The following BLTP1 variants were observed in gnomAD, a reference collection of about 807,000 sequenced individuals.
The protein encoded by BLTP1 is bridge-like lipid transfer protein family member 1.
the BLTP1 span, among the ~76,000 whole-genome samples, chr4:122,332,629 C>CTTTTTT: frequency 1.4e-5 from 2 of 142,546 alleles, no homozygotes; most frequent in African/African-American, 2.6e-5. Flanking sequence ...TAAAAGTTTG[C>CTTTTTT]TTTTTTTTTT....
At chr4:122,209,206 TA>T in the BLTP1 span, 1 of 1,613,418 alleles carries the variant, frequency 6.2e-7, no homozygotes, top group South Asian at 1.1e-5. Flanking sequence ...GCCACCCTAG[TA>T]AATATTCTTT....
chr4:122,181,037 C>T, the BLTP1 span, among the ~76,000 whole-genome samples: 2 of 152,174 alleles, frequency 1.3e-5, no homozygotes, highest in Admixed American at 6.5e-5. Context: ...TTCATTTAAA[C>T]ATTATGATAT....
At chr4:122,199,401 C>T in the BLTP1 span, 2 of 1,613,442 alleles carry the variant, frequency 1.2e-6, no homozygotes, top group Non-Finnish European at 1.7e-6. Flanking sequence ...CATGTGGATG[C>T]CACTACCAGC....
At chr4:122,346,431 A>T in the BLTP1 span, 19,961 of 982,792 alleles carry the variant, frequency 0.02, 224 homozygotes, top group Non-Finnish European at 0.023. Flanking sequence ...ACTTGCCATC[A>T]CCTCAAAAAA....
chr4:122,255,169 C>CA, the BLTP1 span: 1 of 1,605,186 alleles, frequency 6.2e-7, no homozygotes, highest in East Asian at 2.2e-5. Context: ...GTAAATACAA[C>CA]AGGCTTACAA....
At chr4:122,167,536 A>G in the BLTP1 span, 148 of 295,606 alleles carry the variant, frequency 5.0e-4, 1 homozygote, top group Middle Eastern at 1.7e-3. Flanking sequence ...TGAAACCTTA[A>G]TCTGGTTGCT....
chr4:122,353,145 C>T, the BLTP1 span: 2 of 1,613,216 alleles, frequency 1.2e-6, no homozygotes, highest in Non-Finnish European at 8.5e-7. The surrounding 1 kb of genome is among the most constrained non-coding windows in gnomAD (Gnocchi z 4.3). Context: ...CTCAGAAAAT[C>T]TGGGAAGATG....
chr4:122,289,195 A>G, the BLTP1 span: 1 of 1,592,050 alleles, frequency 6.3e-7, no homozygotes, highest in Non-Finnish European at 8.6e-7. Context: ...AGTTTCTGGT[A>G]AGATGATCTA....
chr4:122,297,848 G>C, the BLTP1 span: 1 of 152,212 alleles, frequency 6.6e-6, no homozygotes, highest in South Asian at 2.1e-4. Flanking sequence ...ATCAGTGGGA[G>C]CTGAACAATG....
the BLTP1 span, chr4:122,187,628 T>G: frequency 9.5e-7 from 1 of 1,051,874 alleles, no homozygotes. Flanking sequence ...TTTTTTTTAG[T>G]TCCCATTTCT....
the BLTP1 span, chr4:122,234,971 G>T: frequency 6.2e-7 from 1 of 1,612,744 alleles, no homozygotes; most frequent in East Asian, 2.2e-5. Flanking sequence ...GACAGTCTCT[G>T]CTACAGCCTG....
At chr4:122,248,518 G>C in the BLTP1 span, among the ~76,000 whole-genome samples, 6 of 151,870 alleles carry the variant, frequency 4.0e-5, no homozygotes, top group African/African-American at 1.5e-4. Flanking sequence ...GTCTGGTTGT[G>C]GTGTTAGAGG....
the BLTP1 span, chr4:122,199,911 G>C: frequency 3.1e-6 from 3 of 978,316 alleles, no homozygotes; most frequent in South Asian, 1.4e-4. Context: ...ATATTATAAA[G>C]AGAAACAATA....
the BLTP1 span, chr4:122,208,581 T>A: frequency 1.0e-6 from 1 of 971,226 alleles, no homozygotes; most frequent in Non-Finnish European, 1.2e-6. Context: ...AAAGTTTTTT[T>A]AAAAACTGAA....
the BLTP1 span, chr4:122,339,130 A>G: frequency 1.4e-6 from 2 of 1,460,978 alleles, no homozygotes; most frequent in African/African-American, 1.4e-5. Flanking sequence ...GTTTATTTGA[A>G]CATTTCAATA....
chr4:122,265,735 A>G, the BLTP1 span, among the ~76,000 whole-genome samples: 15 of 152,106 alleles, frequency 9.9e-5, no homozygotes, highest in Non-Finnish European at 1.9e-4. Context: ...GTCTTGATCT[A>G]TAGCCCAGGC....
the BLTP1 span, chr4:122,254,581 T>A: frequency 1.1e-6 from 1 of 933,860 alleles, no homozygotes; most frequent in Non-Finnish European, 1.3e-6. Flanking sequence ...CTTAGACTTT[T>A]GTTTACTCTT....
At chr4:122,330,853 A>T in the BLTP1 span, 1 of 255,652 alleles carries the variant, frequency 3.9e-6, no homozygotes, top group Non-Finnish European at 6.1e-6. Context: ...TTAAGTCTTT[A>T]ATCCATTTTG....
chr4:122,246,824 T>C, the BLTP1 span: 5 of 1,610,124 alleles, frequency 3.1e-6, no homozygotes, highest in Non-Finnish European at 4.2e-6. Context: ...AGAAATACTT[T>C]ATTAATCTGA....
Sources: allele counts gnomAD v4.1 joint callset (sites outside exome capture counted in the v4.1 genomes callset), GRCh38; gene constraint gnomAD v4.1.1; non-coding constraint Gnocchi (gnomAD v3.1); transcripts MANE v1.5; gene names NCBI Gene and HGNC (gene_info 2026-07-23, HGNC 2026-07-21).